HERC4: variants seen among roughly 807,000 people sequenced by gnomAD.
HERC4 encodes the protein HECT and RLD domain containing E3 ubiquitin protein ligase 4.
A neutral mutation model predicts 124.3 loss-of-function variants in HERC4; 28 were observed. The observed-to-expected ratio is 0.23, with a 90% CI of 0.17 to 0.31. The LOEUF (loss-of-function observed/expected upper bound fraction) is 0.31. HERC4 is among the 10% of genes least tolerant of loss of function. The pLI is 1.00. For missense variants in HERC4, 713 were observed against 1,229.3 expected (o/e 0.58, Z 6.28); for synonymous variants, 407 against 421.5 (o/e 0.97, Z 0.42).
chr10:67,936,504 T>A (rs1006808481), intron 21 of HERC4, among the ~76,000 whole-genome samples: 1 of 152,160 alleles, frequency 6.6e-6, no homozygotes, highest in Admixed American at 6.5e-5. Context: ...GCATAAAACT[T>A]TAGAATTGTT....
chr10:68,067,991 G>A (rs1474784980), intron 3 of HERC4: 2 of 152,002 alleles, frequency 1.3e-5, no homozygotes, highest in Non-Finnish European at 2.9e-5. Context: ...GTGTACAAGG[G>A]GGAAGACAAT....
chr10:68,067,638 A>T (rs2041362475), intron 3 of HERC4: 1 of 152,226 alleles, frequency 6.6e-6, no homozygotes, highest in Non-Finnish European at 1.5e-5. Context: ...GAACAGAGAG[A>T]ACAGGTCAGA....
rs551733722 is a variant in HERC4 at position 67,939,444 on chromosome 10, T to C, written c.2571+144A>G. ...ATGAAATGCATGTACTATGACTAGCTAGCATGTAGTAAATGCTCAATAAAT... is the reference window on the plus strand; with the variant it reads ...ATGAAATGCATGTACTATGACTAGCCAGCATGTAGTAAATGCTCAATAAAT... On this transcript the variant is annotated intron_variant, in intron 21 of 24. Transcript: ENST00000373700. The C allele has an allele frequency of 1.5e-4, 84 of 572,512 alleles. 2 individuals carry two copies. The highest frequency in any genetic ancestry group is 9.6e-4 in the South Asian group (38 of 39,594). The allele number at this position is 572,512 out of a possible 1,614,324, so 35.5% of individuals were successfully genotyped here. A position where few individuals can be genotyped will look rare whatever the true frequency, so the allele number is the denominator to read the frequency against.
chr10:67,934,925 T>C (rs537315667), intron 22 of HERC4, among the ~76,000 whole-genome samples: 2 of 151,990 alleles, frequency 1.3e-5, no homozygotes, highest in African/African-American at 4.8e-5. Context: ...TTTTAATATT[T>C]TCTTTGACAG....
At chr10:68,007,952 C>T (rs983512140) in intron 9 of HERC4, 2 of 152,346 alleles carry the variant, frequency 1.3e-5, no homozygotes, top group Non-Finnish European at 2.9e-5. Flanking sequence ...CTCCTGAGCC[C>T]AAGCGATCCT....
At chr10:68,036,566 T>C (rs1307000448) in intron 5 of HERC4, among the ~76,000 whole-genome samples, 1 of 152,150 alleles carries the variant, frequency 6.6e-6, no homozygotes, top group Non-Finnish European at 1.5e-5. Flanking sequence ...TTTAAGGCCC[T>C]TTATAACAGA....
At chr10:67,943,498 G>A (rs370829323) in intron 19 of HERC4, among the ~76,000 whole-genome samples, 2 of 152,178 alleles carry the variant, frequency 1.3e-5, no homozygotes, top group African/African-American at 2.4e-5. Context: ...ACCAATACCC[G>A]CAATATCAGA....
chr10:67,967,341 C>T (rs1195927232), intron 15 of HERC4, among the ~76,000 whole-genome samples: 2 of 152,092 alleles, frequency 1.3e-5, no homozygotes, highest in African/African-American at 2.4e-5. Context: ...CTAGAAAAGA[C>T]ATGTCTTTAT....
chr10:68,025,515 G>A (rs775143416), intron 8 of HERC4, 31 bp downstream of exon 8: 7 of 1,593,392 alleles, frequency 4.4e-6, no homozygotes, highest in African/African-American at 2.7e-5. Context: ...GCAGTTTAGA[G>A]ACCAAAATGC....
intron 19 of HERC4, among the ~76,000 whole-genome samples, chr10:67,946,435 A>ACAAGT (rs2033359710): frequency 6.6e-6 from 1 of 150,616 alleles, no homozygotes; most frequent in African/African-American, 2.4e-5. Context: ...AACACACTTC[A>ACAAGT]CTTGTCAAGA....
intron 7 of HERC4, among the ~76,000 whole-genome samples, chr10:68,032,214 C>G (rs1394312403): frequency 6.6e-6 from 1 of 152,200 alleles, no homozygotes; most frequent in Non-Finnish European, 1.5e-5. Flanking sequence ...CATCTAACTT[C>G]TAGTCACTCA....
intron 15 of HERC4, among the ~76,000 whole-genome samples, chr10:67,985,904 C>T: frequency 6.6e-6 from 1 of 152,306 alleles, no homozygotes; most frequent in Non-Finnish European, 1.5e-5. Flanking sequence ...GGTTCATAAT[C>T]ATCCTCCAGA....
chr10:67,974,355 CAAAT>C (rs1340564678), intron 15 of HERC4, among the ~76,000 whole-genome samples: 1 of 152,036 alleles, frequency 6.6e-6, no homozygotes, highest in Non-Finnish European at 1.5e-5. Flanking sequence ...ACCAAAGAAA[CAAAT>C]AAAGTTGATC....
chr10:67,955,376 C>T (rs2039700), intron 17 of HERC4: 34,107 of 357,324 alleles, frequency 0.095, 2,895 homozygotes, highest in East Asian at 0.43. Context: ...TAAGCCAGTA[C>T]AGAACGGTAG....
In HERC4 at chr10:67,956,528, G is replaced by A. The variant is rs960426556; in HGVS notation, c.2025+350C>T. 54 of 157,856 alleles carry A rather than the reference G, an allele frequency of 3.4e-4. 1 individual carries two copies. Among genetic ancestry groups the A allele is most frequent in the Admixed American group, 2.0e-3 (32 of 15,850 alleles). The allele number at this position is 157,856 out of a possible 1,614,324, so 9.8% of individuals were successfully genotyped here. A position where few individuals can be genotyped will look rare whatever the true frequency, so the allele number is the denominator to read the frequency against. On this transcript the variant is annotated intron_variant, in intron 17 of 24. Coordinates refer to ENST00000373700, the MANE Select transcript of HERC4 (RefSeq NM_015601.4). ...TCTAGTGACTTCCATCTCTTACCAA[G>A]CATATAAAAAGGGGACATATAATGA...
chr10:67,962,877 T>C (rs998768865), intron 16 of HERC4, among the ~76,000 whole-genome samples: 2 of 152,184 alleles, frequency 1.3e-5, no homozygotes, highest in African/African-American at 2.4e-5. Context: ...TGTGTCAAGG[T>C]AGCCAGCAAC....
chr10:68,027,784 G>A (rs1259070518), intron 7 of HERC4, among the ~76,000 whole-genome samples: 17 of 151,818 alleles, frequency 1.1e-4, no homozygotes, highest in Non-Finnish European at 2.1e-4. Context: ...TTAGCTGGGC[G>A]TAGTGGTGTG....
chr10:68,034,347 T>G (rs1310586002), intron 5 of HERC4, among the ~76,000 whole-genome samples, 161 bp from the exon 6 acceptor site: 1 of 152,222 alleles, frequency 6.6e-6, no homozygotes, highest in Non-Finnish European at 1.5e-5. Context: ...ATTATACTTA[T>G]TTCTTATATG....
intron 19 of HERC4, among the ~76,000 whole-genome samples, chr10:67,948,399 G>A (rs1375352819): frequency 6.6e-6 from 1 of 151,406 alleles, no homozygotes; most frequent in African/African-American, 2.4e-5. Flanking sequence ...ATATACAAAT[G>A]GCAAAAAGAA....
Sources: allele counts gnomAD v4.1 joint callset (sites outside exome capture counted in the v4.1 genomes callset), GRCh38; gene constraint gnomAD v4.1.1; transcripts MANE v1.5; gene names NCBI Gene and HGNC (gene_info 2026-07-23, HGNC 2026-07-21).